Variants in CACNA2D3 observed in about 807,000 individuals in gnomAD.
The protein encoded by CACNA2D3 is calcium voltage-gated channel auxiliary subunit alpha2delta 3.
In CACNA2D3, 60 loss-of-function variants were observed where a neutral mutation model predicts 160.6. The ratio of observed to expected loss-of-function variants is 0.37; its 90% CI spans 0.30 to 0.46. The LOEUF is 0.46. Ranked by LOEUF, CACNA2D3 falls within the 20% of genes least tolerant of loss-of-function variation. The pLI, the probability that CACNA2D3 is intolerant of heterozygous loss-of-function variation, is 1.00. For missense variants in CACNA2D3, 1,205 were observed against 1,365.0 expected, an observed-to-expected ratio of 0.88 and a Z score of 1.85; for synonymous variants, 558 against 492.9, an observed-to-expected ratio of 1.13 and a Z score of -1.75.
At chr3:54,247,206 A>G (rs1484553160) in intron 2 of CACNA2D3, among the ~76,000 whole-genome samples, 1 of 152,120 alleles carries the variant, frequency 6.6e-6, no homozygotes, top group Non-Finnish European at 1.5e-5. Context: ...GTTACTCGGG[A>G]GGCTGAGGCA....
intron 4 of CACNA2D3, among the ~76,000 whole-genome samples, chr3:54,430,075 C>T (rs1390849651): frequency 1.3e-5 from 2 of 152,152 alleles, no homozygotes; most frequent in South Asian, 2.1e-4. Context: ...TTTCTGAGTT[C>T]CACCATAGTA....
At chr3:54,546,108 T>A (rs1702060451) in intron 5 of CACNA2D3, among the ~76,000 whole-genome samples, 1 of 152,012 alleles carries the variant, frequency 6.6e-6, no homozygotes, top group South Asian at 2.1e-4. Flanking sequence ...TGTGGCCCTA[T>A]AAGGGGAAAG....
At chr3:55,021,715 G>GTGTGTATATATATA (rs1553632885) in intron 35 of CACNA2D3, among the ~76,000 whole-genome samples, 5 of 141,402 alleles carry the variant, frequency 3.5e-5, no homozygotes, top group African/African-American at 1.3e-4. Flanking sequence ...ATATGTGTGT[G>GTGTGTATATATATA]TATATATATA....
chr3:54,330,061 G>C (rs769057661), intron 3 of CACNA2D3, among the ~76,000 whole-genome samples: 2 of 152,156 alleles, frequency 1.3e-5, no homozygotes, highest in Non-Finnish European at 2.9e-5. Flanking sequence ...CAGCCCTTGC[G>C]AGTAATCAGA....
chr3:54,403,034 T>G (rs1013876285), intron 4 of CACNA2D3, among the ~76,000 whole-genome samples: 31 of 152,152 alleles, frequency 2.0e-4, no homozygotes, highest in Middle Eastern at 3.4e-3. Flanking sequence ...AACAACCCAG[T>G]GGGTCAAAGA....
At chr3:54,228,995 A>C (rs1357633779) in intron 2 of CACNA2D3, among the ~76,000 whole-genome samples, 1 of 152,230 alleles carries the variant, frequency 6.6e-6, no homozygotes, top group Non-Finnish European at 1.5e-5. Context: ...CCGTGGAGTC[A>C]GAGCTTCCTT....
intron 5 of CACNA2D3, among the ~76,000 whole-genome samples, chr3:54,527,243 A>T (rs192612861): frequency 2.0e-5 from 3 of 151,804 alleles, no homozygotes; most frequent in Non-Finnish European, 2.9e-5. Context: ...TTCCACTACA[A>T]CCTCCACTAT....
intron 9 of CACNA2D3, among the ~76,000 whole-genome samples, chr3:54,602,390 C>T (rs1332941135): frequency 3.4e-5 from 5 of 147,052 alleles, no homozygotes; most frequent in Admixed American, 1.4e-4. Flanking sequence ...CCCAGCTACT[C>T]GGGAGGCTGA....
intron 35 of CACNA2D3, among the ~76,000 whole-genome samples, chr3:55,058,526 A>AAAGTTTCAC (rs1364113143): frequency 2.0e-5 from 3 of 152,102 alleles, no homozygotes; most frequent in African/African-American, 4.8e-5. Context: ...TGATCCTGGA[A>AAAGTTTCAC]AAGTTTCACT....
chr3:54,860,225 T>C lies in CACNA2D3; in HGVS notation c.1627-11314T>C, dbSNP rs575069794. ...TCAGACCAAGGGTTTATCTGGAATA[T>C]TTAGAAGCTGACAGACATCACAGAG... On this transcript the variant is annotated intron_variant, in intron 17 of 37. Transcript: ENST00000474759. Among the ~76,000 whole-genome samples the C allele has an allele frequency of 2.0e-5, 3 of 152,280 alleles. No individual in the cohort carries two copies. In the East Asian group the frequency reaches 5.8e-4, roughly 29 times the overall value.
chr3:54,376,193 C>T (rs1699009152), intron 3 of CACNA2D3, among the ~76,000 whole-genome samples: 1 of 152,154 alleles, frequency 6.6e-6, no homozygotes, highest in South Asian at 2.1e-4. Flanking sequence ...CACTCTTCCC[C>T]CTTCCCATTC....
At chr3:54,338,840 A>G (rs992417324) in intron 3 of CACNA2D3, among the ~76,000 whole-genome samples, 18 of 152,078 alleles carry the variant, frequency 1.2e-4, no homozygotes, top group Admixed American at 1.3e-4. Flanking sequence ...CCTGTAAAAC[A>G]TGTGTCCCAA....
At chr3:54,532,128 G>T (rs1218202785) in intron 5 of CACNA2D3, among the ~76,000 whole-genome samples, 1 of 152,174 alleles carries the variant, frequency 6.6e-6, no homozygotes, top group Non-Finnish European at 1.5e-5. Flanking sequence ...AAAGTGTGGG[G>T]AAGAGAAAGA....
intron 5 of CACNA2D3, among the ~76,000 whole-genome samples, chr3:54,516,950 C>G (rs1701560882): frequency 1.3e-5 from 2 of 152,120 alleles, no homozygotes; most frequent in African/African-American, 4.8e-5. Context: ...CTGTGATAGA[C>G]CAGCACTAGT....
intron 11 of CACNA2D3, among the ~76,000 whole-genome samples, chr3:54,743,346 G>A (rs767854796): frequency 3.9e-5 from 6 of 152,210 alleles, no homozygotes; most frequent in Non-Finnish European, 8.8e-5. Context: ...ATGAAAGAGG[G>A]TTAGCCATGC....
rs139312041 is a variant in CACNA2D3 at position 54,705,662 on chromosome 3, C to T, written c.1168-46937C>T. ...AGTTATTTAATTCAACAGTTTGGGC[C>T]TCCCAATGTTCCTATAACTAAAAGC... On this transcript the variant is annotated intron_variant, in intron 11 of 37. Coordinates refer to ENST00000474759, the MANE Select transcript of CACNA2D3 (RefSeq NM_018398.3). Among the ~76,000 whole-genome samples the T allele has an allele frequency of 3.0e-4, 46 of 152,270 alleles. 2 individuals carry two copies. The highest frequency in any genetic ancestry group is 3.4e-3 in the Middle Eastern group (1 of 294).
intron 2 of CACNA2D3, among the ~76,000 whole-genome samples, chr3:54,178,698 C>T (rs1314146958): frequency 1.3e-5 from 2 of 152,200 alleles, no homozygotes; most frequent in Admixed American, 6.5e-5. Flanking sequence ...CTAATTGATA[C>T]CATCAACAGA....
intron 26 of CACNA2D3, among the ~76,000 whole-genome samples, chr3:54,899,568 TAACTC>T (rs1384279185): frequency 6.6e-6 from 1 of 152,158 alleles, no homozygotes; most frequent in Admixed American, 6.5e-5. Flanking sequence ...CTGGTGGTCA[TAACTC>T]AACTCGCCAA....
At chr3:54,306,936 T>C (rs1409053876) in intron 2 of CACNA2D3, among the ~76,000 whole-genome samples, 1 of 152,130 alleles carries the variant, frequency 6.6e-6, no homozygotes, top group Non-Finnish European at 1.5e-5. Flanking sequence ...TGGCTTCTCA[T>C]CACAAACAGA....
Sources: allele counts gnomAD v4.1 joint callset (sites outside exome capture counted in the v4.1 genomes callset), GRCh38; gene constraint gnomAD v4.1.1; transcripts MANE v1.5; gene names NCBI Gene and HGNC (gene_info 2026-07-23, HGNC 2026-07-21).